The following NEGR1 variants were observed in gnomAD, a reference collection of about 807,000 sequenced individuals.
The protein encoded by NEGR1 is IgLON family member 4.
In NEGR1, 10 loss-of-function variants were observed where a neutral mutation model predicts 40.9. The ratio of observed to expected loss-of-function variants is 0.24; its 90% CI spans 0.15 to 0.42. The LOEUF (loss-of-function observed/expected upper bound fraction) is 0.42, where lower values mean the gene tolerates loss of function less well. Among genes scored for constraint, NEGR1 ranks in the 10% least tolerant of loss-of-function variants. The pLI, the probability that NEGR1 is intolerant of heterozygous loss-of-function variation, is 1.00. For missense variants in NEGR1, 352 were observed against 438.9 expected, an observed-to-expected ratio of 0.80 and a Z score of 1.77; for synonymous variants, 185 against 166.8, an observed-to-expected ratio of 1.11 and a Z score of -0.84.
At chr1:72,269,313 C>A (rs1655763149) in intron 1 of NEGR1, among the ~76,000 whole-genome samples, 1 of 151,574 alleles carries the variant, frequency 6.6e-6, no homozygotes, top group South Asian at 2.1e-4. Flanking sequence ...GCTGCCTAAC[C>A]CCTTTCAAAG....
chr1:71,700,764 A>C (rs562011039), intron 3 of NEGR1, among the ~76,000 whole-genome samples: 1 of 152,166 alleles, frequency 6.6e-6, no homozygotes, highest in African/African-American at 2.4e-5. Context: ...CTATTCACTA[A>C]AGTGATTAGC....
intron 2 of NEGR1, among the ~76,000 whole-genome samples, chr1:71,851,555 G>A (rs12749167): frequency 0.26 from 38,874 of 151,840 alleles, 5,173 homozygotes; most frequent in East Asian, 0.5. Context: ...TATGCACAGG[G>A]ATCTGCACAA....
intron 1 of NEGR1, among the ~76,000 whole-genome samples, chr1:72,172,376 T>A (rs1238274619): frequency 1.3e-5 from 2 of 152,108 alleles, no homozygotes; most frequent in Non-Finnish European, 2.9e-5. Flanking sequence ...CATACCAACA[T>A]GCAACCTTAA....
chr1:71,523,677 T>C (rs1263721583), intron 6 of NEGR1, among the ~76,000 whole-genome samples: 1 of 151,912 alleles, frequency 6.6e-6, no homozygotes, highest in East Asian at 1.9e-4. Flanking sequence ...AAGGCTCTCC[T>C]GCCTACTAAT....
intron 1 of NEGR1, among the ~76,000 whole-genome samples, chr1:72,183,328 G>A (rs920597365): frequency 6.6e-6 from 1 of 152,086 alleles, no homozygotes; most frequent in Non-Finnish European, 1.5e-5. Flanking sequence ...ATTTCTTATT[G>A]TTTGGGGTTT....
chr1:71,926,925 C>G (rs1452247091), intron 2 of NEGR1, among the ~76,000 whole-genome samples: 1 of 152,068 alleles, frequency 6.6e-6, no homozygotes, highest in African/African-American at 2.4e-5. Context: ...TTACTGAAAT[C>G]TACTTTCTCT....
Position 71,847,031 on chromosome 1 carries a change from A to T in NEGR1, c.410-70734T>A, listed in dbSNP as rs1466345828. ...CCACAGTACTTACTCTCCAAAATGA[A>T]TTCTTCTCTTTCTTTTCACATTACT... On this transcript the variant is annotated intron_variant, in intron 2 of 6. Transcript: ENST00000357731. Among the ~76,000 whole-genome samples the T allele has an allele frequency of 2.0e-5, 3 of 152,214 alleles. No homozygotes were observed. In the East Asian group the frequency reaches 5.8e-4, roughly 29 times the overall value.
intron 1 of NEGR1, among the ~76,000 whole-genome samples, chr1:72,131,645 G>A (rs190673432): frequency 2.0e-4 from 30 of 152,144 alleles, no homozygotes; most frequent in African/African-American, 6.5e-4. Flanking sequence ...TAAATCAAGC[G>A]TAAAAATACA....
At chr1:72,174,083 G>T (rs1303051214) in intron 1 of NEGR1, among the ~76,000 whole-genome samples, 1 of 151,416 alleles carries the variant, frequency 6.6e-6, no homozygotes, top group African/African-American at 2.4e-5. Flanking sequence ...CCAATCGTTT[G>T]TTTTTTTTAA....
chr1:71,804,848 A>G (rs1408572452), intron 2 of NEGR1, among the ~76,000 whole-genome samples: 2 of 152,220 alleles, frequency 1.3e-5, no homozygotes, highest in African/African-American at 4.8e-5. Flanking sequence ...TGATAAGGGA[A>G]CAAGAGAGAT....
chr1:72,215,980 T>A (rs546120608), intron 1 of NEGR1, among the ~76,000 whole-genome samples: 1 of 151,782 alleles, frequency 6.6e-6, no homozygotes, highest in Admixed American at 6.6e-5. Context: ...CAATGATAGA[T>A]GGGATTAGGA....
At chr1:72,223,717 G>A (rs761062318) in intron 1 of NEGR1, among the ~76,000 whole-genome samples, 6 of 152,012 alleles carry the variant, frequency 3.9e-5, no homozygotes, top group South Asian at 2.1e-4. Context: ...ATCCTTCCTC[G>A]TCTCCTCTCA....
intron 1 of NEGR1, among the ~76,000 whole-genome samples, chr1:71,990,954 C>T (rs1646445693): frequency 6.6e-6 from 1 of 150,872 alleles, no homozygotes; most frequent in Admixed American, 6.6e-5. Flanking sequence ...TTCACAGATA[C>T]CACAAATTCA....
intron 1 of NEGR1, among the ~76,000 whole-genome samples, chr1:72,105,995 A>G (rs1252398353): frequency 2.0e-5 from 3 of 152,148 alleles, no homozygotes; most frequent in African/African-American, 7.2e-5. Flanking sequence ...TAAGATAAAT[A>G]TGACTTTGCC....
chr1:71,985,621 G>A (rs1646387845), intron 1 of NEGR1, among the ~76,000 whole-genome samples: 1 of 152,120 alleles, frequency 6.6e-6, no homozygotes, highest in Middle Eastern at 3.2e-3. Flanking sequence ...GGTTTTCTAT[G>A]TAATGACTTT....
intron 5 of NEGR1, among the ~76,000 whole-genome samples, chr1:71,594,016 T>G (rs896246389): frequency 3.3e-5 from 5 of 152,230 alleles, no homozygotes; most frequent in Non-Finnish European, 5.9e-5. Flanking sequence ...TCTCTGATAT[T>G]TGAATCCTAC....
At chr1:71,985,528 A>C (rs960605600) in intron 1 of NEGR1, among the ~76,000 whole-genome samples, 8 of 152,162 alleles carry the variant, frequency 5.3e-5, no homozygotes, top group African/African-American at 1.9e-4. Flanking sequence ...GAATGTGGGA[A>C]GCCTCATACT....
intron 6 of NEGR1, among the ~76,000 whole-genome samples, chr1:71,420,435 A>G (rs1224117114): frequency 6.6e-6 from 1 of 152,094 alleles, no homozygotes; most frequent in Non-Finnish European, 1.5e-5. Context: ...GCACTCATAC[A>G]TACACAAAGA....
intron 1 of NEGR1, among the ~76,000 whole-genome samples, chr1:72,016,642 A>T (rs3102926): frequency 0.52 from 79,356 of 151,998 alleles, 21,700 homozygotes; most frequent in East Asian, 0.67. Flanking sequence ...GGAAAAACAC[A>T]AACTTGGAAG....
Sources: allele counts gnomAD v4.1 joint callset (sites outside exome capture counted in the v4.1 genomes callset), GRCh38; gene constraint gnomAD v4.1.1; transcripts MANE v1.5; gene names NCBI Gene and HGNC (gene_info 2026-07-23, HGNC 2026-07-21).